PCSK5: variants seen among roughly 807,000 people sequenced by gnomAD.
The protein encoded by PCSK5 is prohormone convertase 5.
In PCSK5, 129 loss-of-function variants were observed where a neutral mutation model predicts 233.2. The ratio of observed to expected loss-of-function variants is 0.55; its 90% CI spans 0.48 to 0.64. PCSK5 has a LOEUF of 0.64. Ranked by LOEUF, PCSK5 falls within the 30% of genes least tolerant of loss-of-function variation. PCSK5 has a pLI of 0.00. For missense variants in PCSK5, 2,076 were observed against 2,430.1 expected (o/e 0.85, Z 3.06); for synonymous variants, 825 against 879.2 (o/e 0.94, Z 1.09).
rs185097128 is a variant in PCSK5, at chr9:75,934,032, C to T, written c.297+1549C>T. On this transcript the variant is annotated intron_variant, in intron 2 of 37. Coordinates refer to ENST00000674117, the MANE Select transcript of PCSK5 (RefSeq NM_001372043.1). ...TGAACATGGAGCTATTTCGATCCTTCTTGTTATCTTGGGGCATCTTGGTGT... is the reference window on the plus strand; with the variant it reads ...TGAACATGGAGCTATTTCGATCCTTTTTGTTATCTTGGGGCATCTTGGTGT... 2.1e-3 allele frequency among the ~76,000 whole-genome samples: 327 copies of T among 152,302 alleles called. 2 individuals carry two copies. Among genetic ancestry groups the T allele is most frequent in the Admixed American group, 5.4e-3 (82 of 15,292 alleles).
chr9:75,945,746 A>C (rs752419543), intron 2 of PCSK5, among the ~76,000 whole-genome samples: 2 of 152,056 alleles, frequency 1.3e-5, no homozygotes, highest in African/African-American at 2.4e-5. Context: ...ACACTTGGCC[A>C]TATCTCTGTC....
Position 75,935,217 on chromosome 9 carries a change from G to T in PCSK5, c.297+2734G>T, listed in dbSNP as rs1235590691. 2.0e-5 allele frequency among the ~76,000 whole-genome samples: 3 copies of T among 152,216 alleles called. No individual in the cohort carries two copies. In the East Asian group the frequency reaches 5.8e-4, roughly 29 times the overall value. On this transcript the variant is annotated intron_variant, in intron 2 of 37. Coordinates refer to ENST00000674117, the MANE Select transcript of PCSK5 (RefSeq NM_001372043.1). ...TGAGTAGCTGAGACTACAGGTGCAT[G>T]CCACCACGCCCAGCTAATTTTTTGT...
At chr9:76,343,845 C>T (rs181205499) in intron 35 of PCSK5, among the ~76,000 whole-genome samples, 29 of 152,166 alleles carry the variant, frequency 1.9e-4, no homozygotes, top group African/African-American at 5.3e-4. Flanking sequence ...CCAAGGTCCC[C>T]GCAGACCAGG....
chr9:76,263,914 A>G (rs1827258958), intron 24 of PCSK5, among the ~76,000 whole-genome samples: 1 of 152,172 alleles, frequency 6.6e-6, no homozygotes, highest in Admixed American at 6.6e-5. Context: ...TGCTATTTCT[A>G]TTAAGCTGCC....
At chr9:76,203,903 T>C (rs1048639365) in intron 20 of PCSK5, among the ~76,000 whole-genome samples, 1 of 152,158 alleles carries the variant, frequency 6.6e-6, no homozygotes, top group African/African-American at 2.4e-5. Flanking sequence ...GGCTCTGTCA[T>C]TTACTAGCTG....
chr9:76,277,476 C>A (rs995783582), intron 24 of PCSK5, among the ~76,000 whole-genome samples: 1 of 152,132 alleles, frequency 6.6e-6, no homozygotes, highest in Non-Finnish European at 1.5e-5. Flanking sequence ...AGACTAGAGA[C>A]CAATAGAAGA....
At chr9:76,157,395 T>A (rs1448993475) in intron 11 of PCSK5, among the ~76,000 whole-genome samples, 1 of 152,200 alleles carries the variant, frequency 6.6e-6, no homozygotes, top group Non-Finnish European at 1.5e-5. Context: ...TTGGGGGATA[T>A]GCTTACCCCT....
At chr9:75,895,471 A>G (rs1825765242) in intron 1 of PCSK5, among the ~76,000 whole-genome samples, 1 of 152,230 alleles carries the variant, frequency 6.6e-6, no homozygotes, top group Non-Finnish European at 1.5e-5. Flanking sequence ...TGAAGATTGA[A>G]TTGTAAGAAC....
At chr9:76,354,281 C>A in intron 37 of PCSK5, 62 bp downstream of exon 37, 2 of 1,321,082 alleles carry the variant, frequency 1.5e-6, no homozygotes, top group Non-Finnish European at 2.1e-6. Flanking sequence ...CCAATGGGAG[C>A]AGAGGGAGGG....
intron 34 of PCSK5, among the ~76,000 whole-genome samples, chr9:76,334,180 A>T (rs1308979209): frequency 1.3e-5 from 2 of 152,128 alleles, no homozygotes; most frequent in Admixed American, 6.5e-5. Flanking sequence ...CAAGAACAGC[A>T]TGGGGGAAAC....
chr9:76,191,154 C>CTATT (rs1554703586), intron 20 of PCSK5, among the ~76,000 whole-genome samples: 1 of 152,150 alleles, frequency 6.6e-6, no homozygotes, highest in African/African-American at 2.4e-5. Context: ...ATTGTTTAAA[C>CTATT]TATTTGTTTA....
chr9:76,121,524 T>G (rs1279406685), intron 9 of PCSK5, among the ~76,000 whole-genome samples: 4 of 152,172 alleles, frequency 2.6e-5, no homozygotes, highest in Non-Finnish European at 5.9e-5. Context: ...AAGTATACTT[T>G]TGGTATATTT....
At chr9:76,284,518 CT>C (rs35359559) in intron 24 of PCSK5, among the ~76,000 whole-genome samples, 5,659 of 127,240 alleles carry the variant, frequency 0.044, 315 homozygotes, top group African/African-American at 0.15. Flanking sequence ...CCATTAAACC[CT>C]TTTTTTTTTT....
chr9:75,970,035 A>G (rs1385232311), intron 2 of PCSK5, among the ~76,000 whole-genome samples: 2 of 151,992 alleles, frequency 1.3e-5, no homozygotes, highest in African/African-American at 2.4e-5. Flanking sequence ...CACCACACCC[A>G]GCTAATTTTG....
At chr9:76,291,239 G>C (rs563387252) in intron 24 of PCSK5, among the ~76,000 whole-genome samples, 62 of 152,284 alleles carry the variant, frequency 4.1e-4, no homozygotes, top group Non-Finnish European at 6.9e-4. Context: ...ATTTGAGTGA[G>C]GTTGTGTCTA....
chr9:75,899,292 G>GATATAC (rs985938918), intron 1 of PCSK5, among the ~76,000 whole-genome samples: 1 of 152,126 alleles, frequency 6.6e-6, no homozygotes, highest in Non-Finnish European at 1.5e-5. Context: ...ATGATATTTT[G>GATATAC]ATATACATAT....
chr9:75,948,768 C>G (rs974606383), intron 2 of PCSK5, among the ~76,000 whole-genome samples: 4 of 152,116 alleles, frequency 2.6e-5, no homozygotes, highest in Non-Finnish European at 5.9e-5. Flanking sequence ...CTAATTTCCA[C>G]TCCCACCAAC....
intron 2 of PCSK5, among the ~76,000 whole-genome samples, chr9:75,972,981 A>G (rs1825868999): frequency 6.6e-6 from 1 of 152,140 alleles, no homozygotes; most frequent in African/African-American, 2.4e-5. Context: ...ATGGAAATCC[A>G]TGGGCATGGA....
intron 7 of PCSK5, among the ~76,000 whole-genome samples, chr9:76,083,864 C>T (rs1830954009): frequency 6.6e-6 from 1 of 152,206 alleles, no homozygotes; most frequent in Non-Finnish European, 1.5e-5. Context: ...ATAAACTTAA[C>T]TAATTCCATC....
Sources: allele counts gnomAD v4.1 joint callset (sites outside exome capture counted in the v4.1 genomes callset), GRCh38; gene constraint gnomAD v4.1.1; transcripts MANE v1.5; gene names NCBI Gene and HGNC (gene_info 2026-07-23, HGNC 2026-07-21).